SBF2: variants seen among roughly 807,000 people sequenced by gnomAD.
SBF2 encodes SET binding factor 2, also known as myotubularin-related protein 13.
A neutral mutation model predicts 225.2 loss-of-function variants in SBF2; 112 were observed. The observed-to-expected ratio is 0.50, with a 90% CI of 0.43 to 0.58. The LOEUF is 0.58. Among genes scored for constraint, SBF2 ranks in the 20% least tolerant of loss-of-function variants. SBF2 has a pLI of 0.00. For missense variants in SBF2, 1,996 were observed against 2,206.2 expected (o/e 0.90, Z 1.91); for synonymous variants, 763 against 773.3 (o/e 0.99, Z 0.22).
intron 1 of SBF2, among the ~76,000 whole-genome samples, chr11:10,291,655 T>G (rs976733849): frequency 5.0e-5 from 5 of 99,042 alleles, no homozygotes; most frequent in African/African-American, 2.0e-4. Flanking sequence ...TATAATCCAC[T>G]AAACACACAC....
intron 1 of SBF2, among the ~76,000 whole-genome samples, chr11:10,228,612 T>C (rs1419903442): frequency 6.6e-6 from 1 of 152,230 alleles, no homozygotes; most frequent in Non-Finnish European, 1.5e-5. Context: ...GTTTATATGC[T>C]GGATTACATT....
In SBF2 at chr11:9,839,674, G is replaced by T; in HGVS notation, c.3279C>A (p.Pro1093=). The change falls in exon 26 of 40, where the codon CCC becomes CCA. Residue 1093 remains proline, a synonymous_variant. Transcript: ENST00000256190. ...DVSVSDESEL[P]TSTTLKASEK... ...CGGAGGCCTTCAGGGTGGTACTTGT[G>T]GGGAGCTCACTCTCATCTGAAACTG... is the stretch of plus-strand genomic sequence containing the variant. 1 of 1,613,392 alleles carries T rather than the reference G, an allele frequency of 6.2e-7. No individual in the cohort carries two copies.
At chr11:10,246,012 A>G (rs979512790) in intron 1 of SBF2, among the ~76,000 whole-genome samples, 1 of 152,226 alleles carries the variant, frequency 6.6e-6, no homozygotes, top group Admixed American at 6.5e-5. Flanking sequence ...CAAAGGGTAT[A>G]AAGTTACAGT....
chr11:10,223,050 T>C (rs1453729737), intron 1 of SBF2, among the ~76,000 whole-genome samples: 1 of 152,082 alleles, frequency 6.6e-6, no homozygotes, highest in Non-Finnish European at 1.5e-5. Context: ...TATTTACAAG[T>C]TGTATTCATT....
intron 1 of SBF2, among the ~76,000 whole-genome samples, chr11:10,292,678 C>CA (rs5789633): frequency 0.041 from 3,540 of 85,638 alleles, 193 homozygotes; most frequent in African/African-American, 0.13. Flanking sequence ...AACTCCGTCT[C>CA]AAAAAAAAAA....
chr11:9,832,963 T>G (rs1410054603), intron 26 of SBF2, among the ~76,000 whole-genome samples: 1 of 152,366 alleles, frequency 6.6e-6, no homozygotes, highest in East Asian at 1.9e-4. Context: ...TTCCCTTGCC[T>G]TATACATTAC....
chr11:10,240,836 G>A (rs1378480097), intron 1 of SBF2, among the ~76,000 whole-genome samples: 2 of 152,020 alleles, frequency 1.3e-5, no homozygotes, highest in Non-Finnish European at 2.9e-5. Flanking sequence ...ATCAATAAAA[G>A]TATTAAAGTT....
At chr11:10,292,536 G>A (rs1037946003) in intron 1 of SBF2, among the ~76,000 whole-genome samples, 2 of 151,914 alleles carry the variant, frequency 1.3e-5, no homozygotes, top group African/African-American at 4.8e-5. Context: ...AAAAATTAGC[G>A]GGCGTGTTGG....
chr11:9,919,216 A>T (rs1486540949), intron 16 of SBF2, among the ~76,000 whole-genome samples: 1 of 150,046 alleles, frequency 6.7e-6, no homozygotes, highest in East Asian at 2.0e-4. Context: ...CACATTCTCT[A>T]GCTGATTTTC....
intron 2 of SBF2, among the ~76,000 whole-genome samples, chr11:10,076,581 G>A (rs1565203011): frequency 6.6e-6 from 1 of 152,194 alleles, no homozygotes; most frequent in Non-Finnish European, 1.5e-5. Flanking sequence ...GAGACCTGGG[G>A]CGATGTTACA....
At chr11:9,940,030 T>C (rs1192898587) in intron 16 of SBF2, among the ~76,000 whole-genome samples, 1 of 152,082 alleles carries the variant, frequency 6.6e-6, no homozygotes, top group Non-Finnish European at 1.5e-5. Flanking sequence ...GTTTCAACAT[T>C]AGATCATGCC....
chr11:10,045,110 C>T (rs1460485699), intron 2 of SBF2, among the ~76,000 whole-genome samples: 2 of 151,346 alleles, frequency 1.3e-5, no homozygotes, highest in East Asian at 1.9e-4. Flanking sequence ...GAAGGCCCTT[C>T]GTGACTGGAC....
upstream of SBF2, among the ~76,000 whole-genome samples, chr11:10,294,604 A>G (rs935696092): frequency 2.4e-4 from 37 of 152,368 alleles, no homozygotes; most frequent in Middle Eastern, 3.4e-3. Context: ...CTCGGTTGGA[A>G]GCAAGGAATT....
At chr11:10,008,992 T>G (rs1948323845) in intron 6 of SBF2, among the ~76,000 whole-genome samples, 1 of 152,240 alleles carries the variant, frequency 6.6e-6, no homozygotes, top group African/African-American at 2.4e-5. Flanking sequence ...GTGCTGCCTA[T>G]CTGGGGGAAC....
chr11:10,001,046 C>A, intron 7 of SBF2, 24 bp from the exon 8 acceptor site: 2 of 1,212,044 alleles, frequency 1.7e-6, no homozygotes, highest in South Asian at 2.4e-5. Flanking sequence ...AAATATGCGT[C>A]AAATATATTT....
intron 2 of SBF2, among the ~76,000 whole-genome samples, chr11:10,081,163 A>G (rs1951349261): frequency 6.6e-6 from 1 of 152,182 alleles, no homozygotes; most frequent in East Asian, 1.9e-4. Flanking sequence ...GACAGTAACT[A>G]TATTAGGTCA....
At chr11:9,821,104 T>C (rs1854727429) in intron 28 of SBF2, among the ~76,000 whole-genome samples, 1 of 152,200 alleles carries the variant, frequency 6.6e-6, no homozygotes, top group African/African-American at 2.4e-5. Context: ...GTCCTTAACC[T>C]TGGCAAAATA....
At chr11:9,943,763 ACT>A (rs1326819945) in intron 16 of SBF2, among the ~76,000 whole-genome samples, 12 of 152,122 alleles carry the variant, frequency 7.9e-5, no homozygotes, top group Non-Finnish European at 1.6e-4. Flanking sequence ...GGCAATAGAA[ACT>A]CTCATATATT....
At chr11:9,829,291 A>G in intron 28 of SBF2, 65 bp downstream of exon 28, 1 of 1,532,294 alleles carries the variant, frequency 6.5e-7, no homozygotes, top group South Asian at 1.1e-5. Flanking sequence ...AGTACAAATA[A>G]CCCTAGGAAC....
Sources: gnomAD v4.1 joint callset for allele counts (sites outside exome capture counted in the v4.1 genomes callset) on GRCh38, gnomAD v4.1.1 for gene constraint, MANE v1.5 for transcripts, NCBI Gene and HGNC (gene_info 2026-07-23, HGNC 2026-07-21) for gene names.